The following CBX6 variants were observed in gnomAD, a reference collection of about 807,000 sequenced individuals.
The protein encoded by CBX6 is chromobox 6, also known as chromobox protein homolog 6.
CBX6 carries 7 observed loss-of-function variants against 28.4 expected under a neutral mutation model. The observed-to-expected ratio is 0.25, with a 90% confidence interval of 0.14 to 0.46. The LOEUF is 0.46. Among genes scored for constraint, CBX6 ranks in the 20% least tolerant of loss-of-function variants. The pLI is 0.99. For missense variants in CBX6, 512 were observed against 606.1 expected (o/e 0.84, Z 1.63); for synonymous variants, 297 against 273.4 (o/e 1.09, Z -0.85).
Position 38,872,151 on chromosome 22 carries a change from C to G in CBX6, c.40G>C (p.Glu14Gln). 7.0e-7 allele frequency: 1 copy of G among 1,428,024 alleles called. No individual in the cohort carries two copies. The highest frequency in any genetic ancestry group is 9.3e-7 in the Non-Finnish European group (1 of 1,075,362). 88.5% of individuals were successfully genotyped at this position (1,428,024 alleles called of 1,614,324 possible). The change falls in exon 1 of 5, where the codon GAA (glutamate) becomes CAA (glutamine). Residue 14 changes from glutamate to glutamine, a missense_variant. Transcript: ENST00000407418. This position sits in a 1 kb window ranked among gnomAD's most constrained non-coding sequence, Gnocchi z 5.0. ...CGGATCCGCCGTTTGATGATGGATT[C>G]GGCCGCGAAGACCCGCTCGCCCACT... ...SAVGERVFAA[E>Q]SIIKRRIRKG...
At position 38,866,218 on chromosome 22, in the gene CBX6, C is replaced by G. The variant is rs983795582; in HGVS notation, c.1230G>C (p.Ala410=). The G allele has an allele frequency of 7.5e-6, 12 of 1,605,602 alleles. No individual in the cohort carries two copies. The highest frequency in any genetic ancestry group is 1.0e-5 in the Non-Finnish European group (12 of 1,175,932). The part of the protein sequence containing the change: ...GAAGGGGSIG[A]SK ...CCTTGGTGGAGCCCCCTCACTTGCT[C>G]GCCCCAATGCTGCCACCGCCCCCAG... is the stretch of plus-strand genomic sequence containing the variant. The change falls in exon 5 of 5, where the codon GCG becomes GCC. Residue 410 remains alanine, a synonymous_variant. Transcript: ENST00000407418. This position sits in a 1 kb window ranked among gnomAD's most constrained non-coding sequence, Gnocchi z 7.5.
rs911061885 is a variant in CBX6 at position 38,864,836 on chromosome 22, A to G, written c.*1373T>C. On this transcript the variant is annotated 3_prime_UTR_variant, in exon 5 of 5. Transcript: ENST00000407418. Reference sequence around the variant, plus strand: ...GCTGGCCAGCGGGGCCCCGGTCCCAATTCTGGGACCAACACCCTCATTCTC... The same window carrying G: ...GCTGGCCAGCGGGGCCCCGGTCCCAGTTCTGGGACCAACACCCTCATTCTC... 1 of 152,446 alleles carries G rather than the reference A, an allele frequency of 6.6e-6. No individual in the cohort carries two copies. Among genetic ancestry groups the G allele is most frequent in the East Asian group, 1.9e-4 (1 of 5,164 alleles). 9.4% of individuals were successfully genotyped at this position (152,446 alleles called of 1,614,324 possible).
In CBX6 at chr22:38,864,982, G is replaced by A. The variant is rs1841133694; in HGVS notation, c.*1227C>T. ...TGCCTCAGCTCCCAGGCAGCAGAGG[G>A]AAACAGAAGCTGCCCAGGACACGGG... On this transcript the variant is annotated 3_prime_UTR_variant, in exon 5 of 5. Transcript: ENST00000407418. 1 of 152,336 alleles carries A rather than the reference G, an allele frequency of 6.6e-6. No individual in the cohort carries two copies. Among genetic ancestry groups the A allele is most frequent in the African/African-American group, 2.4e-5 (1 of 41,474 alleles). The allele number at this position is 152,336 out of a possible 1,614,324, so 9.4% of individuals were successfully genotyped here.
intron 4 of CBX6, 108 bp from the exon 5 acceptor site, chr22:38,867,309 G>A (rs921411590): frequency 3.1e-6 from 3 of 972,866 alleles, no homozygotes; most frequent in South Asian, 3.4e-5. Context: ...CAGCGATCCC[G>A]AGATCATTTA....
At position 38,866,818 on chromosome 22, in the gene CBX6, G is replaced by A; in HGVS notation, c.630C>T (p.Gly210=). 1 of 1,612,500 alleles carries A rather than the reference G, an allele frequency of 6.2e-7. No homozygotes were observed. The highest frequency in any genetic ancestry group is 8.5e-7 in the Non-Finnish European group (1 of 1,179,370). ...CGCTCTCGCTGAACTTCTTGCTCTT[G>A]CCTATAACGCGGTTCCGCGAGGGGA... ...PKVPSRNRVI[G]KSKKFSESVL... Residue 210 remains glycine (G), a synonymous_variant, in exon 5 of 5, where the codon GGC becomes GGT. Coordinates refer to ENST00000407418, the MANE Select transcript of CBX6 (RefSeq NM_014292.5). The surrounding 1 kb of genome is among the most constrained non-coding windows in gnomAD (Gnocchi z 7.5).
chr22:38,867,208 G>A lies in CBX6; in HGVS notation c.247-7C>T, dbSNP rs1235703959. 4 of 874,586 alleles carry A rather than the reference G, an allele frequency of 4.6e-6. No individual in the cohort carries two copies. In the East Asian group the frequency reaches 1.6e-4, roughly 35 times the overall value. The allele number at this position is 874,586 out of a possible 1,614,324, so 54.2% of individuals were successfully genotyped here. ...CCTCGGCCTGGGCCCGCGCCTGCGG[G>A]CAGAGGGAGGGGTGGGTGGGACCTC... On this transcript the variant is annotated splice_polypyrimidine_tract_variant and splice_region_variant and intron_variant, in intron 4 of 4. Coordinates refer to ENST00000407418, the MANE Select transcript of CBX6 (RefSeq NM_014292.5).
chr22:38,871,289 G>A lies in CBX6; in HGVS notation c.246+191C>T. The A allele has an allele frequency of 1.5e-6, 1 of 664,732 alleles. No homozygotes were observed. Among genetic ancestry groups the A allele is most frequent in the Non-Finnish European group, 2.7e-6 (1 of 372,160 alleles). 41.2% of individuals were successfully genotyped at this position (664,732 alleles called of 1,614,324 possible). A position where few individuals can be genotyped will look rare whatever the true frequency, so the allele number is the denominator to read the frequency against. On this transcript the variant is annotated intron_variant, in intron 4 of 4. Transcript: ENST00000407418. The surrounding 1 kb of genome is among the most constrained non-coding windows in gnomAD (Gnocchi z 5.6). ...CCAGTCCCAAAACCCTCTTGTTGAA[G>A]CTGATGCTGGCTGAGGCCTGCCATC...
In CBX6 at chr22:38,866,285, G is replaced by A. The variant is rs530088532; in HGVS notation, c.1163C>T (p.Pro388Leu). 2.1e-5 allele frequency: 34 copies of A among 1,613,832 alleles called. No individual in the cohort carries two copies. The highest frequency in any genetic ancestry group is 6.7e-5 in the East Asian group (3 of 44,844). ...LTVTIKEFCN[P>L]EDFEKVAAGV... The stretch of plus-strand genomic sequence containing the variant: ...AGCAGCCACCTTCTCGAAATCCTCA[G>A]GGTTGCAGAATTCCTTGATTGTGAC... The change falls in exon 5 of 5, where the codon CCT (proline) becomes CTT (leucine). Residue 388 changes from proline (P) to leucine (L), a missense_variant. Around this residue, in one of 7 missense-constraint regions of CBX6, gnomAD observed 33 missense variants for 35.3 expected, o/e 0.94. Transcript: ENST00000407418. This position sits in a 1 kb window ranked among gnomAD's most constrained non-coding sequence, Gnocchi z 7.5.
Position 38,872,060 on chromosome 22 carries a change from G to C in CBX6, c.69+62C>G. On this transcript the variant is annotated intron_variant, in intron 1 of 4. Coordinates refer to ENST00000407418, the MANE Select transcript of CBX6 (RefSeq NM_014292.5). The surrounding 1 kb of genome is among the most constrained non-coding windows in gnomAD (Gnocchi z 5.0). Reference sequence around the variant, plus strand: ...CGGGCTAGCGGGACCGCTTCGCCCCGAGGGCCCCCGGCCCCGGCCCCGGCT... The same window carrying C: ...CGGGCTAGCGGGACCGCTTCGCCCCCAGGGCCCCCGGCCCCGGCCCCGGCT... 4 of 1,293,036 alleles carry C rather than the reference G, an allele frequency of 3.1e-6. No homozygotes were observed. Among genetic ancestry groups the C allele is most frequent in the Non-Finnish European group, 3.9e-6 (4 of 1,012,750 alleles). The allele number at this position is 1,293,036 out of a possible 1,614,324, so 80.1% of individuals were successfully genotyped here.
Position 38,865,885 on chromosome 22 carries a change from C to G in CBX6, c.*324G>C, listed in dbSNP as rs1301724952. Reference sequence around the variant, plus strand: ...TAGCACCGAGAAATCAGACGCCGCACAGGAGAGCAGGAAGCAAGCTAGAGA... The same window carrying G: ...TAGCACCGAGAAATCAGACGCCGCAGAGGAGAGCAGGAAGCAAGCTAGAGA... On this transcript the variant is annotated 3_prime_UTR_variant, in exon 5 of 5. Coordinates refer to ENST00000407418, the MANE Select transcript of CBX6 (RefSeq NM_014292.5). 2.9e-6 allele frequency: 1 copy of G among 339,976 alleles called. No homozygotes were observed. Among genetic ancestry groups the G allele is most frequent in the East Asian group, 5.1e-5 (1 of 19,694 alleles). 21.1% of individuals were successfully genotyped at this position (339,976 alleles called of 1,614,324 possible).
rs1369407384 is a variant in CBX6, at chr22:38,871,872, C to A, written c.113+30G>T. 15 of 1,537,460 alleles carry A rather than the reference C, an allele frequency of 9.8e-6. No individual in the cohort carries two copies. The highest frequency in any genetic ancestry group is 1.3e-5 in the Non-Finnish European group (15 of 1,139,036). ...CCCCGGTGCCCGCTGCCTCCCCTCC[C>A]GCGACGCCCCCGGACCCCGCGACAC... On this transcript the variant is annotated intron_variant, in intron 2 of 4. Coordinates refer to ENST00000407418, the MANE Select transcript of CBX6 (RefSeq NM_014292.5). The surrounding 1 kb of genome is among the most constrained non-coding windows in gnomAD (Gnocchi z 5.6).
Position 38,865,459 on chromosome 22 carries a change from T to G in CBX6, c.*750A>C, listed in dbSNP as rs146952918. On this transcript the variant is annotated 3_prime_UTR_variant, in exon 5 of 5. Transcript: ENST00000407418. ...TGAACCCACGGACAAACACAGCGAG[T>G]GGGGCAGACGCACAACTGGAAGTTT... 4.4e-3 allele frequency: 664 copies of G among 152,630 alleles called. 2 individuals are homozygous for G. The highest frequency in any genetic ancestry group is 7.2e-3 in the Non-Finnish European group (492 of 68,052). 9.5% of individuals were successfully genotyped at this position (152,630 alleles called of 1,614,324 possible).
chr22:38,866,767 C>G lies in CBX6; in HGVS notation c.681G>C (p.Met227Ile), dbSNP rs374693287. Reference sequence around the variant, plus strand: ...TGTACAGCGCAAAGGCGCCGAACTTCATGTGGCGGATCTGTGTACGCAGGA... The same window carrying G: ...TGTACAGCGCAAAGGCGCCGAACTTGATGTGGCGGATCTGTGTACGCAGGA... The part of the protein sequence containing the change: ...ESVLRTQIRH[M>I]KFGAFALYKP... Residue 227 changes from methionine (M) to isoleucine (I), a missense_variant, in exon 5 of 5, where the codon ATG becomes ATC. Met to Ile is a conservative substitution (Grantham distance 10). This residue lies in a region of CBX6 where 290 missense variants were observed against 274.1 expected (regional missense o/e 1.06). Coordinates refer to ENST00000407418, the MANE Select transcript of CBX6 (RefSeq NM_014292.5). The surrounding 1 kb of genome is among the most constrained non-coding windows in gnomAD (Gnocchi z 7.5). 1.2e-6 allele frequency: 2 copies of G among 1,611,432 alleles called. No homozygotes were observed. The highest frequency in any genetic ancestry group is 2.7e-5 in the African/African-American group (2 of 74,850).
intron 4 of CBX6, 27 bp from the exon 5 acceptor site, chr22:38,867,228 G>GGGGGGGGGCC: frequency 1.2e-5 from 6 of 518,840 alleles, no homozygotes; most frequent in East Asian, 5.0e-5. Flanking sequence ...GGGTGGGTGG[G>GGGGGGGGGCC]ACCTCAGGAC....
intron 4 of CBX6, among the ~76,000 whole-genome samples, chr22:38,869,400 A>G (rs1166054319): frequency 6.6e-6 from 1 of 152,214 alleles, no homozygotes; most frequent in Non-Finnish European, 1.5e-5. Context: ...GGGCACTCCT[A>G]TGATGATCAG....
chr22:38,868,166 C>T (rs941842038), intron 4 of CBX6, among the ~76,000 whole-genome samples: 4 of 152,208 alleles, frequency 2.6e-5, no homozygotes, highest in African/African-American at 9.6e-5. Flanking sequence ...ACTCCTAAGG[C>T]GATGTAAGCT....
intron 4 of CBX6, among the ~76,000 whole-genome samples, chr22:38,868,940 C>G (rs2093176357): frequency 6.6e-6 from 1 of 152,160 alleles, no homozygotes; most frequent in Non-Finnish European, 1.5e-5. Context: ...GTGGCGTTCA[C>G]CCCCATGGGA....
Position 38,862,690 on chromosome 22 carries a change from T to C in CBX6, c.*3519A>G, listed in dbSNP as rs1051324944. 7 of 152,262 alleles carry C rather than the reference T, an allele frequency of 4.6e-5. No individual in the cohort carries two copies. The highest frequency in any genetic ancestry group is 1.7e-4 in the African/African-American group (7 of 41,460). The allele number at this position is 152,262 out of a possible 1,614,324, so 9.4% of individuals were successfully genotyped here. ...AGAGGCTGGTAGCAGTCCAGCCCCC[T>C]GGCCAACCCAGCTCCCTGTTGGGGC... On this transcript the variant is annotated 3_prime_UTR_variant, in exon 5 of 5. Transcript: ENST00000407418.
At chr22:38,868,067 TC>T (rs956187775) in intron 4 of CBX6, among the ~76,000 whole-genome samples, 11 of 152,316 alleles carry the variant, frequency 7.2e-5, no homozygotes, top group African/African-American at 2.6e-4. Context: ...GCATGAAATC[TC>T]TTTAAAGCCA....
Sources: gnomAD v4.1 joint callset for allele counts (sites outside exome capture counted in the v4.1 genomes callset) on GRCh38, gnomAD v4.1.1 for gene constraint, gnomAD v4.1.1 regional missense constraint, Gnocchi (gnomAD v3.1) non-coding constraint, MANE v1.5 for transcripts, NCBI Gene and HGNC (gene_info 2026-07-23, HGNC 2026-07-21) for gene names.